PPM1L: variants seen among roughly 807,000 people sequenced by gnomAD.
PPM1L encodes the protein protein phosphatase 1L.
Under a neutral mutation model 31.4 loss-of-function variants are expected in PPM1L, and 13 were observed. That is an observed-to-expected ratio of 0.41 (90% confidence interval 0.27 to 0.66). The LOEUF is 0.66. Ranked by LOEUF, PPM1L falls within the 30% of genes least tolerant of loss-of-function variation. The pLI is 0.29. For synonymous variants in PPM1L, 184 were observed against 175.4 expected, an observed-to-expected ratio of 1.05 and a Z score of -0.39; for missense variants, 326 against 453.7, an observed-to-expected ratio of 0.72 and a Z score of 2.56.
At chr3:160,862,971 CA>C (rs1178308587) in intron 1 of PPM1L, among the ~76,000 whole-genome samples, 3 of 151,990 alleles carry the variant, frequency 2.0e-5, no homozygotes, top group Admixed American at 6.6e-5. Flanking sequence ...AAACACAAAT[CA>C]GACAAATTGT....
intron 1 of PPM1L, among the ~76,000 whole-genome samples, chr3:160,825,890 A>G (rs1451805006): frequency 6.6e-6 from 1 of 152,160 alleles, no homozygotes; most frequent in East Asian, 1.9e-4. Context: ...AGCTTCAATT[A>G]TATGAACAGG....
chr3:161,063,555 T>G (rs760645595), intron 2 of PPM1L, among the ~76,000 whole-genome samples: 19 of 152,228 alleles, frequency 1.2e-4, no homozygotes, highest in Non-Finnish European at 1.8e-4. Flanking sequence ...TGTTGTTGTT[T>G]TTTTTTCTGT....
chr3:160,914,200 C>G (rs1486959126), intron 1 of PPM1L, among the ~76,000 whole-genome samples: 2 of 152,150 alleles, frequency 1.3e-5, no homozygotes, highest in Non-Finnish European at 2.9e-5. Context: ...TGCTTGGTGG[C>G]CATTCATACA....
chr3:160,844,822 A>G (rs753166842), intron 1 of PPM1L, among the ~76,000 whole-genome samples: 31 of 152,078 alleles, frequency 2.0e-4, no homozygotes, highest in Admixed American at 7.2e-4. Context: ...GAGTTGTGCA[A>G]CTGTCATTCT....
At position 161,069,211 on chromosome 3, in the gene PPM1L, TC is replaced by T. The variant is rs1719837614; in HGVS notation, c.*55del. ...CTAAAGGACTTTCAACACACTGGTC[TC>T]TTTTAATTTAGTGAAAAGTGTGGGA... is the stretch of plus-strand genomic sequence containing the variant. On this transcript the variant is annotated 3_prime_UTR_variant, in exon 4 of 4. Transcript: ENST00000498165. 7.7e-7 allele frequency: 1 copy of T among 1,301,334 alleles called. No individual in the cohort carries two copies. The highest frequency in any genetic ancestry group is 1.4e-5 in the South Asian group (1 of 70,188). The allele number at this position is 1,301,334 out of a possible 1,614,324, so 80.6% of individuals were successfully genotyped here. A position where few individuals can be genotyped will look rare whatever the true frequency, so the allele number is the denominator to read the frequency against.
chr3:160,764,472 T>C (rs1238076282), intron 1 of PPM1L, among the ~76,000 whole-genome samples: 1 of 151,694 alleles, frequency 6.6e-6, no homozygotes, highest in Non-Finnish European at 1.5e-5. Flanking sequence ...TCTCTCTCTC[T>C]CTCTTTTTTT....
At chr3:160,950,208 G>A (rs531438905) in intron 1 of PPM1L, among the ~76,000 whole-genome samples, 14 of 152,144 alleles carry the variant, frequency 9.2e-5, no homozygotes, top group African/African-American at 3.4e-4. Flanking sequence ...CTCCTTGTAG[G>A]TAAAAATCTG....
At chr3:160,994,522 T>C (rs1386977418) in intron 2 of PPM1L, among the ~76,000 whole-genome samples, 2 of 152,210 alleles carry the variant, frequency 1.3e-5, no homozygotes, top group African/African-American at 2.4e-5. Context: ...CTGTTCCTCA[T>C]AGAAATCTCC....
At chr3:160,808,849 C>T (rs890153394) in intron 1 of PPM1L, among the ~76,000 whole-genome samples, 1 of 152,186 alleles carries the variant, frequency 6.6e-6, no homozygotes, top group Non-Finnish European at 1.5e-5. Context: ...AGAGCAGCCC[C>T]TTTCTGAAGA....
intron 2 of PPM1L, among the ~76,000 whole-genome samples, chr3:160,967,065 TG>T (rs1716173801): frequency 6.6e-6 from 1 of 151,882 alleles, no homozygotes; most frequent in Non-Finnish European, 1.5e-5. Flanking sequence ...AATTGAATCA[TG>T]GGGGTGGGTT....
intron 1 of PPM1L, among the ~76,000 whole-genome samples, chr3:160,900,748 A>G (rs1163935160): frequency 1.3e-5 from 2 of 152,082 alleles, no homozygotes; most frequent in Non-Finnish European, 2.9e-5. Flanking sequence ...CTTGCCTGCT[A>G]TACACTCCTT....
rs1711639248 is a variant in PPM1L at position 160,854,958 on chromosome 3, A to C, written c.399+98251A>C. Among the ~76,000 whole-genome samples the C allele has an allele frequency of 2.0e-5, 3 of 151,816 alleles. No individual in the cohort carries two copies. In the South Asian group the frequency reaches 6.2e-4, roughly 31 times the overall value. On this transcript the variant is annotated intron_variant, in intron 1 of 3. Coordinates refer to ENST00000498165, the MANE Select transcript of PPM1L (RefSeq NM_139245.4). ...AAAACAAAGTCACAGGCATCACATT[A>C]CTCAATTTCAAACTATACTACAAGG...
At chr3:160,854,388 A>G (rs962683168) in intron 1 of PPM1L, among the ~76,000 whole-genome samples, 1 of 152,172 alleles carries the variant, frequency 6.6e-6, no homozygotes, top group Middle Eastern at 3.2e-3. Context: ...TGTTTTTAGG[A>G]TATACGTATC....
intron 1 of PPM1L, among the ~76,000 whole-genome samples, chr3:160,857,164 A>AT (rs1220486646): frequency 6.6e-6 from 1 of 151,968 alleles, no homozygotes; most frequent in African/African-American, 2.4e-5. Flanking sequence ...AAATACGGAA[A>AT]TTTTTTTTGC....
intron 1 of PPM1L, among the ~76,000 whole-genome samples, chr3:160,786,342 C>G (rs533811274): frequency 6.7e-6 from 1 of 149,066 alleles, no homozygotes; most frequent in African/African-American, 2.5e-5. Flanking sequence ...CTCAGCCTCC[C>G]AAGTAGCTGG....
intron 1 of PPM1L, among the ~76,000 whole-genome samples, chr3:160,832,883 C>A (rs952802220): frequency 6.6e-6 from 1 of 152,032 alleles, no homozygotes; most frequent in African/African-American, 2.4e-5. Flanking sequence ...TTAAGCCCAG[C>A]ATGCATTAGC....
At chr3:160,935,912 A>G (rs537473024) in intron 1 of PPM1L, among the ~76,000 whole-genome samples, 3 of 152,270 alleles carry the variant, frequency 2.0e-5, no homozygotes, top group East Asian at 1.9e-4. Flanking sequence ...CTCAGCCACC[A>G]TTGGTCTCTC....
intron 1 of PPM1L, among the ~76,000 whole-genome samples, chr3:160,822,162 C>T (rs950623082): frequency 3.9e-5 from 6 of 152,042 alleles, no homozygotes; most frequent in African/African-American, 1.4e-4. Flanking sequence ...AATTACCCAA[C>T]ATAATTGTCA....
At chr3:161,044,337 G>A (rs1718993878) in intron 2 of PPM1L, among the ~76,000 whole-genome samples, 1 of 144,722 alleles carries the variant, frequency 6.9e-6, no homozygotes, top group African/African-American at 2.7e-5. Flanking sequence ...ACTGCACCTG[G>A]CCTGCCCTGT....
Sources: gnomAD v4.1 joint callset for allele counts (sites outside exome capture counted in the v4.1 genomes callset) on GRCh38, gnomAD v4.1.1 for gene constraint, MANE v1.5 for transcripts, NCBI Gene and HGNC (gene_info 2026-07-23, HGNC 2026-07-21) for gene names.